Variants in UTP18 observed in about 807,000 individuals in gnomAD.
UTP18 encodes the protein U3 small nucleolar RNA-associated protein 18 homolog.
A neutral mutation model predicts 61.1 loss-of-function variants in UTP18; 36 were observed. That is an observed-to-expected ratio of 0.59 (90% CI 0.45 to 0.78). The LOEUF (loss-of-function observed/expected upper bound fraction) is 0.78, where lower values mean the gene tolerates loss of function less well. UTP18 is among the 30% of genes least tolerant of loss of function. The pLI, the probability that UTP18 is intolerant of heterozygous loss-of-function variation, is 0.00. For missense variants in UTP18, 753 were observed against 693.9 expected, an observed-to-expected ratio of 1.09 and a Z score of -0.96; for synonymous variants, 282 against 251.1, an observed-to-expected ratio of 1.12 and a Z score of -1.16.
At chr17:51,260,982 C>A (rs2055450660) in intron 1 of UTP18, 56 bp downstream of exon 1, 3 of 1,384,946 alleles carry the variant, frequency 2.2e-6, no homozygotes, top group Non-Finnish European at 2.8e-6. Flanking sequence ...GCGCGGTGGG[C>A]GGTGAAGCTC....
chr17:51,293,900 C>T lies in UTP18; in HGVS notation c.1504-3C>T, dbSNP rs377678580. The stretch of plus-strand genomic sequence containing the variant: ...CTTTAAAGTTTTTTATTATCTCCTG[C>T]AGGTTCATCTTCCTTCCTGTACAGT... On this transcript the variant is annotated splice_region_variant and splice_polypyrimidine_tract_variant and intron_variant, in intron 11 of 13. Transcript: ENST00000225298. 116 of 1,566,660 alleles carry T rather than the reference C, an allele frequency of 7.4e-5. No homozygotes were observed. The highest frequency in any genetic ancestry group is 9.7e-5 in the Non-Finnish European group (113 of 1,161,376).
At chr17:51,280,284 T>G in intron 8 of UTP18, 105 bp from the exon 9 acceptor site, 1 of 1,372,814 alleles carries the variant, frequency 7.3e-7, no homozygotes, top group Non-Finnish European at 1.0e-6. Context: ...AAAAATAAAG[T>G]TGAGTAGGTG....
intron 9 of UTP18, among the ~76,000 whole-genome samples, 159 bp downstream of exon 9, chr17:51,280,638 C>A (rs1904883685): frequency 6.6e-6 from 1 of 151,786 alleles, no homozygotes; most frequent in Non-Finnish European, 1.5e-5. Flanking sequence ...CATGGTAAAA[C>A]TCCGTCTCTA....
chr17:51,297,830 A>G lies in UTP18; in HGVS notation c.*63A>G, dbSNP rs943705382. ...CCTGTCTTGATATATCATCTCAGAAACTTTCCTGAATATGTGATAATATAT... is the reference window on the plus strand; with the variant it reads ...CCTGTCTTGATATATCATCTCAGAAGCTTTCCTGAATATGTGATAATATAT... On this transcript the variant is annotated 3_prime_UTR_variant, in exon 14 of 14. Coordinates refer to ENST00000225298, the MANE Select transcript of UTP18 (RefSeq NM_016001.3). The G allele has an allele frequency of 5.2e-6, 2 of 381,244 alleles. No homozygotes were observed. The highest frequency in any genetic ancestry group is 9.9e-6 in the Non-Finnish European group (2 of 202,558). 23.6% of individuals were successfully genotyped at this position (381,244 alleles called of 1,614,324 possible).
At chr17:51,275,737 TTG>T in intron 5 of UTP18, 127 bp from the exon 6 acceptor site, 1 of 842,052 alleles carries the variant, frequency 1.2e-6, no homozygotes. Flanking sequence ...TTTTTTTGAG[TTG>T]TGTTTGGTTA....
chr17:51,263,940 A>G (rs532602871), intron 2 of UTP18, among the ~76,000 whole-genome samples: 3 of 152,332 alleles, frequency 2.0e-5, no homozygotes, highest in African/African-American at 4.8e-5. Context: ...CTTAAAAAAA[A>G]TAGACATTTT....
At position 51,268,901 on chromosome 17, in the gene UTP18, G is replaced by A; in HGVS notation, c.619G>A (p.Asp207Asn). 1 of 1,613,678 alleles carries A rather than the reference G, an allele frequency of 6.2e-7. No individual in the cohort carries two copies. Among genetic ancestry groups the A allele is most frequent in the Non-Finnish European group, 8.5e-7 (1 of 1,179,678 alleles). The change falls in exon 4 of 14, where the codon GAT becomes AAT. Residue 207 changes from aspartate to asparagine, a missense_variant. By Grantham distance (23) the Asp-to-Asn change is conservative. Transcript: ENST00000225298. ...AETTKRKTSS[D>N]DESEEDEDDL... ...GACTACTAAGCGGAAAACATCTTCA[G>A]ATGGTGAGCGTTGATATTTCTGTTT...
In UTP18 at chr17:51,263,256, G is replaced by A. The variant is rs1458314460; in HGVS notation, c.343-18G>A. ...GATAGGAAAATCTCAGTGCTTGAGG[G>A]TGTTTTGTCTGCTGTAGGTTCAAGA... On this transcript the variant is annotated intron_variant, in intron 1 of 13. Coordinates refer to ENST00000225298, the MANE Select transcript of UTP18 (RefSeq NM_016001.3). 6.2e-7 allele frequency: 1 copy of A among 1,605,946 alleles called. No homozygotes were observed. Among genetic ancestry groups the A allele is most frequent in the Non-Finnish European group, 8.5e-7 (1 of 1,172,884 alleles).
intron 1 of UTP18, among the ~76,000 whole-genome samples, chr17:51,262,988 C>T (rs1364801705): frequency 6.6e-6 from 1 of 152,212 alleles, no homozygotes; most frequent in Non-Finnish European, 1.5e-5. Flanking sequence ...TCTGCAGACT[C>T]ATCTTTTGTT....
At chr17:51,289,371 A>AT (rs58674308) in intron 11 of UTP18, among the ~76,000 whole-genome samples, 20,280 of 138,062 alleles carry the variant, frequency 0.15, 1,804 homozygotes, top group African/African-American at 0.26. Context: ...TCATTTTTGT[A>AT]TTTTTTTTTT....
At chr17:51,295,675 C>T (rs1382571379) in intron 12 of UTP18, among the ~76,000 whole-genome samples, 1 of 152,144 alleles carries the variant, frequency 6.6e-6, no homozygotes, top group Non-Finnish European at 1.5e-5. Flanking sequence ...ATTGACTTGG[C>T]TATGCGGGCT....
chr17:51,289,714 A>T (rs1307977101), intron 11 of UTP18, among the ~76,000 whole-genome samples: 1 of 152,228 alleles, frequency 6.6e-6, no homozygotes, highest in Non-Finnish European at 1.5e-5. Flanking sequence ...GTTTGCTGCT[A>T]TGTGTGTACT....
At chr17:51,267,197 A>G (rs550139671) in intron 3 of UTP18, among the ~76,000 whole-genome samples, 5 of 152,262 alleles carry the variant, frequency 3.3e-5, no homozygotes, top group Admixed American at 2.0e-4. Flanking sequence ...AACTGGGCTC[A>G]AGCGATCTGC....
intron 12 of UTP18, 187 bp from the exon 13 acceptor site, chr17:51,296,778 A>G (rs1905378321): frequency 1.1e-5 from 6 of 531,926 alleles, no homozygotes; most frequent in South Asian, 2.6e-5. Context: ...CATGTTACCT[A>G]AAATCTGAGG....
chr17:51,288,766 G>A (rs1401435821), intron 11 of UTP18, among the ~76,000 whole-genome samples: 2 of 152,196 alleles, frequency 1.3e-5, no homozygotes, highest in Non-Finnish European at 2.9e-5. Context: ...TGGCTAAAAT[G>A]TATTGCAGTG....
Position 51,260,666 on chromosome 17 carries a change from G to C in UTP18, c.82G>C (p.Asp28His), listed in dbSNP as rs1206710919. The C allele has an allele frequency of 6.2e-7, 1 of 1,612,034 alleles. No homozygotes were observed. Among genetic ancestry groups the C allele is most frequent in the East Asian group, 2.2e-5 (1 of 44,802 alleles). The change falls in exon 1 of 14, where the codon GAC becomes CAC. Residue 28 changes from aspartate to histidine, a missense_variant. Coordinates refer to ENST00000225298, the MANE Select transcript of UTP18 (RefSeq NM_016001.3). ...GAAGCGGAAGCCCGGAATGAGGCCG[G>C]ACTGGAAAGCCGGAGCGGGGCCAGG... ...KPKRKPGMRP[D>H]WKAGAGPGGP...
intron 12 of UTP18, chr17:51,296,412 A>T (rs927484813): frequency 1.1e-4 from 16 of 152,346 alleles, no homozygotes; most frequent in African/African-American, 3.8e-4. Flanking sequence ...CCAGACAATA[A>T]TGTGGTTTAC....
Position 51,288,222 on chromosome 17 carries a change from CT to C in UTP18, c.1503+22del. On this transcript the variant is annotated intron_variant, in intron 11 of 13. Coordinates refer to ENST00000225298, the MANE Select transcript of UTP18 (RefSeq NM_016001.3). ...CAGATTGGTAAATATTTCATTACCC[CT>C]TTATTATTGTTATTTTTTAAATTTA... 6.5e-7 allele frequency: 1 copy of C among 1,544,688 alleles called. No individual in the cohort carries two copies.
chr17:51,284,747 G>A (rs1009334337), intron 9 of UTP18, among the ~76,000 whole-genome samples: 3 of 152,038 alleles, frequency 2.0e-5, no homozygotes, highest in African/African-American at 2.4e-5. Context: ...GTTTTCTTTT[G>A]TATATGTGAA....
Sources: gnomAD v4.1 joint callset for allele counts (sites outside exome capture counted in the v4.1 genomes callset) on GRCh38, gnomAD v4.1.1 for gene constraint, MANE v1.5 for transcripts, NCBI Gene and HGNC (gene_info 2026-07-23, HGNC 2026-07-21) for gene names.